Variants in CACNB2 observed in about 807,000 individuals in gnomAD.
CACNB2 encodes the protein calcium voltage-gated channel auxiliary subunit beta 2, also known as voltage-dependent L-type calcium channel subunit beta-2.
CACNB2 carries 42 observed loss-of-function variants against 73.3 expected under a neutral mutation model. The ratio of observed to expected loss-of-function variants is 0.57; its 90% CI spans 0.45 to 0.74. The LOEUF (loss-of-function observed/expected upper bound fraction) is 0.74. Ranked by LOEUF, CACNB2 falls within the 30% of genes least tolerant of loss-of-function variation. The probability of loss-of-function intolerance (pLI) is 0.00; values close to 1 mark genes in which losing one functional copy is unlikely to be tolerated. For missense variants in CACNB2, 940 were observed against 853.0 expected (o/e 1.10, Z -1.27); for synonymous variants, 348 against 310.3 (o/e 1.12, Z -1.28).
Position 18,326,236 on chromosome 10 carries a change from A to G in CACNB2, c.214-75688A>G, listed in dbSNP as rs2040586843. Among the ~76,000 whole-genome samples, 3 of 152,244 alleles carry G rather than the reference A, an allele frequency of 2.0e-5. No homozygotes were observed. In the South Asian group the frequency reaches 6.2e-4, roughly 31 times the overall value. On this transcript the variant is annotated intron_variant, in intron 2 of 13. Coordinates refer to ENST00000324631, the MANE Select transcript of CACNB2 (RefSeq NM_201596.3). ...GACTGAATGATTAGGAATAAATAAA[A>G]CATGCAAATATTACCTTGAGTCAAA...
intron 10 of CACNB2, among the ~76,000 whole-genome samples, chr10:18,530,856 T>C (rs951680315): frequency 6.6e-6 from 1 of 152,154 alleles, no homozygotes; most frequent in Non-Finnish European, 1.5e-5. Flanking sequence ...AGGTTCAATA[T>C]GTTACCCACT....
intron 2 of CACNB2, among the ~76,000 whole-genome samples, chr10:18,341,282 C>G (rs2041224841): frequency 6.6e-6 from 1 of 152,132 alleles, no homozygotes; most frequent in African/African-American, 2.4e-5. Context: ...CAGCTATAGA[C>G]CAGCACTTGT....
chr10:18,288,929 C>T (rs995459308), intron 2 of CACNB2, among the ~76,000 whole-genome samples: 3 of 152,072 alleles, frequency 2.0e-5, no homozygotes, highest in Admixed American at 2.0e-4. Context: ...CCTGTCCTCC[C>T]AGCTACTCAG....
At chr10:18,374,440 A>G (rs2042711146) in intron 2 of CACNB2, among the ~76,000 whole-genome samples, 1 of 152,204 alleles carries the variant, frequency 6.6e-6, no homozygotes, top group South Asian at 2.1e-4. Context: ...AAATTAGTCA[A>G]GGCAAGGCCG....
At chr10:18,460,208 T>G (rs1422211294) in intron 3 of CACNB2, among the ~76,000 whole-genome samples, 6 of 152,212 alleles carry the variant, frequency 3.9e-5, no homozygotes, top group Non-Finnish European at 8.8e-5. Flanking sequence ...AATTCATGTT[T>G]TACCTCTTTG....
intron 2 of CACNB2, among the ~76,000 whole-genome samples, chr10:18,268,544 T>A (rs538034276): frequency 5.2e-4 from 79 of 152,320 alleles, no homozygotes; most frequent in African/African-American, 1.8e-3. Context: ...TATAGTATGA[T>A]TGCATTTATT....
chr10:18,445,960 G>C (rs2046713367), intron 3 of CACNB2, among the ~76,000 whole-genome samples: 1 of 152,222 alleles, frequency 6.6e-6, no homozygotes, highest in South Asian at 2.1e-4. Context: ...CTTGAACCCA[G>C]GAGGAGGAGG....
chr10:18,266,783 G>A (rs1359330013), intron 2 of CACNB2, among the ~76,000 whole-genome samples: 1 of 152,110 alleles, frequency 6.6e-6, no homozygotes, highest in East Asian at 1.9e-4. Context: ...CCAGCTACTC[G>A]GGAGGCTGAG....
At chr10:18,165,555 G>C (rs2032792862) in intron 2 of CACNB2, among the ~76,000 whole-genome samples, 1 of 152,214 alleles carries the variant, frequency 6.6e-6, no homozygotes, top group Non-Finnish European at 1.5e-5. Context: ...TGGGACTCCA[G>C]GCGTATGTCA....
At chr10:18,283,478 C>T (rs113193436) in intron 2 of CACNB2, among the ~76,000 whole-genome samples, 21 of 152,140 alleles carry the variant, frequency 1.4e-4, no homozygotes, top group African/African-American at 3.6e-4. Flanking sequence ...CACCATGGAA[C>T]ACTATGCAGC....
intron 3 of CACNB2, among the ~76,000 whole-genome samples, chr10:18,473,883 T>A (rs1000833511): frequency 6.6e-6 from 1 of 152,146 alleles, no homozygotes; most frequent in South Asian, 2.1e-4. Flanking sequence ...AGGGTGTAAC[T>A]GGATTTAAGT....
intron 2 of CACNB2, among the ~76,000 whole-genome samples, chr10:18,173,918 G>A (rs1424803703): frequency 6.6e-6 from 1 of 152,158 alleles, no homozygotes. Flanking sequence ...TAAGTTCAGG[G>A]AAACTGGTGG....
intron 2 of CACNB2, among the ~76,000 whole-genome samples, chr10:18,313,870 C>G (rs571805096): frequency 1.1e-4 from 16 of 152,310 alleles, no homozygotes; most frequent in South Asian, 4.1e-4. Context: ...AGAGCTGTTT[C>G]TATTTCTGGT....
rs551298210 is a variant in CACNB2 at position 18,327,569 on chromosome 10, C to T, written c.214-74355C>T. Among the ~76,000 whole-genome samples, 10 of 152,200 alleles carry T rather than the reference C, an allele frequency of 6.6e-5. 1 individual carries two copies. The highest frequency in any genetic ancestry group is 1.9e-4 in the African/African-American group (8 of 41,536). On this transcript the variant is annotated intron_variant, in intron 2 of 13. Coordinates refer to ENST00000324631, the MANE Select transcript of CACNB2 (RefSeq NM_201596.3). ...CCTCCTGAGTAGGTGGGATTACAGGCGCATGCTACCGTGCCCAGCTAATTT... is the reference window on the plus strand; with the variant it reads ...CCTCCTGAGTAGGTGGGATTACAGGTGCATGCTACCGTGCCCAGCTAATTT...
chr10:18,518,640 C>T (rs911028673), intron 8 of CACNB2, among the ~76,000 whole-genome samples: 11 of 152,216 alleles, frequency 7.2e-5, no homozygotes, highest in African/African-American at 2.7e-4. Context: ...TTTCTGCTAG[C>T]TGCAGTGTAC....
chr10:18,413,951 G>A (rs1234306324), intron 3 of CACNB2, among the ~76,000 whole-genome samples: 1 of 152,252 alleles, frequency 6.6e-6, no homozygotes, highest in Non-Finnish European at 1.5e-5. Context: ...TGAATGGAAA[G>A]TAATGAAACA....
intron 9 of CACNB2, among the ~76,000 whole-genome samples, chr10:18,526,015 T>C (rs142521801): frequency 1.5e-3 from 222 of 152,288 alleles, no homozygotes; most frequent in African/African-American, 5.1e-3. Flanking sequence ...TCTCATGAGG[T>C]TTTCTGAAGA....
intron 2 of CACNB2, among the ~76,000 whole-genome samples, chr10:18,230,376 C>T (rs1010213419): frequency 3.3e-5 from 5 of 152,048 alleles, no homozygotes; most frequent in African/African-American, 1.2e-4. Flanking sequence ...CCTGTTCCCT[C>T]GATCTTTTTT....
chr10:18,521,246 G>C (rs1465569410), intron 9 of CACNB2, among the ~76,000 whole-genome samples: 1 of 152,236 alleles, frequency 6.6e-6, no homozygotes, highest in Non-Finnish European at 1.5e-5. Flanking sequence ...ATAAAGGGAG[G>C]CGTAATTAAC....
Sources: gnomAD v4.1 joint callset for allele counts (sites outside exome capture counted in the v4.1 genomes callset) on GRCh38, gnomAD v4.1.1 for gene constraint, MANE v1.5 for transcripts, NCBI Gene and HGNC (gene_info 2026-07-23, HGNC 2026-07-21) for gene names.